Variants in PCDHGA1 observed in about 807,000 individuals in gnomAD.
The protein encoded by PCDHGA1 is protocadherin gamma subfamily A, 1.
A neutral mutation model predicts 58.0 loss-of-function variants in PCDHGA1; 32 were observed. The observed-to-expected ratio is 0.55, with a 90% CI of 0.42 to 0.74. PCDHGA1 has a LOEUF of 0.74. PCDHGA1 is among the 30% of genes least tolerant of loss of function. The pLI is 0.00. For synonymous variants in PCDHGA1, 498 were observed against 501.1 expected (o/e 0.99, Z 0.08); for missense variants, 1,205 against 1,182.3 (o/e 1.02, Z -0.28).
In PCDHGA1 at chr5:141,485,042, C is replaced by T; in HGVS notation, c.2422-9765C>T. ...CAGCAAAAACGGCGCGTAACCCTTGCGGCGCCGGCCGAACCGCGCCAGAGC... is the reference window on the plus strand; with the variant it reads ...CAGCAAAAACGGCGCGTAACCCTTGTGGCGCCGGCCGAACCGCGCCAGAGC... On this transcript the variant is annotated intron_variant, in intron 1 of 3. Coordinates refer to ENST00000517417, the MANE Select transcript of PCDHGA1 (RefSeq NM_018912.3). This position sits in a 1 kb window ranked among gnomAD's most constrained non-coding sequence, Gnocchi z 5.7. 1 of 724,054 alleles carries T rather than the reference C, an allele frequency of 1.4e-6. No individual in the cohort carries two copies. Among genetic ancestry groups the T allele is most frequent in the South Asian group, 1.8e-5 (1 of 56,650 alleles). 44.9% of individuals were successfully genotyped at this position (724,054 alleles called of 1,614,324 possible). A position where few individuals can be genotyped will look rare whatever the true frequency, so the allele number is the denominator to read the frequency against.
rs1207647899 is a variant in PCDHGA1, at chr5:141,491,938, C to T, written c.2422-2869C>T. The T allele has an allele frequency of 1.6e-5, 19 of 1,199,190 alleles. No homozygotes were observed. Among genetic ancestry groups the T allele is most frequent in the Non-Finnish European group, 2.1e-5 (18 of 875,372 alleles). 74.3% of individuals were successfully genotyped at this position (1,199,190 alleles called of 1,614,324 possible). ...TGTGGGCGAGGGGAGGTGGGACCGA[C>T]CCCCACCCCTACACTCAAAAAAGGC... is the stretch of plus-strand genomic sequence containing the variant. On this transcript the variant is annotated intron_variant, in intron 1 of 3. Coordinates refer to ENST00000517417, the MANE Select transcript of PCDHGA1 (RefSeq NM_018912.3). This position sits in a 1 kb window ranked among gnomAD's most constrained non-coding sequence, Gnocchi z 6.9.
chr5:141,476,562 C>A lies in PCDHGA1; in HGVS notation c.2422-18245C>A. On this transcript the variant is annotated intron_variant, in intron 1 of 3. Transcript: ENST00000517417. This position sits in a 1 kb window ranked among gnomAD's most constrained non-coding sequence, Gnocchi z 7.6. ...AAATTGGAGATTAGCGAGGCCGTGG[C>A]TCCGGGGACGCGCTTTCCGCTCGAG... 1 of 1,614,218 alleles carries A rather than the reference C, an allele frequency of 6.2e-7. No homozygotes were observed. The highest frequency in any genetic ancestry group is 8.5e-7 in the Non-Finnish European group (1 of 1,180,034).
At chr5:141,371,362 A>T in intron 1 of PCDHGA1, 3 of 1,614,014 alleles carry the variant, frequency 1.9e-6, no homozygotes, top group Non-Finnish European at 2.5e-6. Flanking sequence ...GAAGCAAAGG[A>T]TGGTGGACAT....
intron 1 of PCDHGA1, chr5:141,371,473 C>T: frequency 6.2e-7 from 1 of 1,613,958 alleles, no homozygotes; most frequent in Admixed American, 1.7e-5. Flanking sequence ...CAAGAAGATG[C>T]TGAGCTGGGG....
chr5:141,352,591 G>A, intron 1 of PCDHGA1: 2 of 1,613,590 alleles, frequency 1.2e-6, no homozygotes, highest in Non-Finnish European at 1.7e-6. Context: ...AGGATCTGCT[G>A]TGTGATGATC....
chr5:141,476,157 G>A lies in PCDHGA1; in HGVS notation c.2422-18650G>A. On this transcript the variant is annotated intron_variant, in intron 1 of 3. Transcript: ENST00000517417. The surrounding 1 kb of genome is among the most constrained non-coding windows in gnomAD (Gnocchi z 7.6). ...TGGAGGAGCGGACTGGTAAGCACCG[G>A]GAGGGTAGTGGGAGTTTTGCTTCTG... 1 of 1,612,752 alleles carries A rather than the reference G, an allele frequency of 6.2e-7. No homozygotes were observed. Among genetic ancestry groups the A allele is most frequent in the Non-Finnish European group, 8.5e-7 (1 of 1,179,898 alleles).
chr5:141,439,066 G>A (rs1004595196), intron 1 of PCDHGA1, among the ~76,000 whole-genome samples: 2 of 151,258 alleles, frequency 1.3e-5, no homozygotes, highest in African/African-American at 2.4e-5. Context: ...TGTGGCAGGC[G>A]CCTGTAATCC....
chr5:141,352,839 T>A (rs932260905), intron 1 of PCDHGA1: 4 of 717,548 alleles, frequency 5.6e-6, no homozygotes, highest in Non-Finnish European at 9.0e-6. Context: ...ATTACAAAAA[T>A]TAGTTGGGTG....
rs372168887 is a variant in PCDHGA1, at chr5:141,477,322, C to T, written c.2422-17485C>T. On this transcript the variant is annotated intron_variant, in intron 1 of 3. Transcript: ENST00000517417. The surrounding 1 kb of genome is among the most constrained non-coding windows in gnomAD (Gnocchi z 4.9). The stretch of plus-strand genomic sequence containing the variant: ...GTCTCCCTTTCAGCCTTACTTCTTC[C>T]CTCAAGAATTACTTCACTTTGAAAA... 17 of 1,614,050 alleles carry T rather than the reference C, an allele frequency of 1.1e-5. No homozygotes were observed. In the African/African-American group the frequency reaches 1.5e-4, roughly 14 times the overall value.
intron 1 of PCDHGA1, chr5:141,351,803 G>A: frequency 6.2e-7 from 1 of 1,613,322 alleles, no homozygotes; most frequent in Non-Finnish European, 8.5e-7. Context: ...CGCGCAGCGC[G>A]CCTTCGACCA....
intron 1 of PCDHGA1, chr5:141,404,970 C>G: frequency 6.2e-7 from 1 of 1,614,058 alleles, no homozygotes; most frequent in East Asian, 2.2e-5. Context: ...GACATCCTGG[C>G]TGACCTGGGC....
intron 1 of PCDHGA1, among the ~76,000 whole-genome samples, chr5:141,461,536 T>C (rs1424913303): frequency 1.3e-5 from 2 of 152,240 alleles, no homozygotes; most frequent in Non-Finnish European, 2.9e-5. Context: ...TTCTGGATAC[T>C]AGTCCTTTGT....
chr5:141,409,941 G>T, intron 1 of PCDHGA1: 1 of 1,613,226 alleles, frequency 6.2e-7, no homozygotes, highest in South Asian at 1.1e-5. Flanking sequence ...ATGGTACCTC[G>T]CTCTGCAGAG....
At chr5:141,371,214 A>G in intron 1 of PCDHGA1, 1 of 1,614,052 alleles carries the variant, frequency 6.2e-7, no homozygotes, top group Non-Finnish European at 8.5e-7. Context: ...TGAGGGCATC[A>G]ATGCCGAAAT....
At chr5:141,420,101 T>C (rs1160215468) in intron 1 of PCDHGA1, 1 of 1,613,928 alleles carries the variant, frequency 6.2e-7, no homozygotes, top group Non-Finnish European at 8.5e-7. Flanking sequence ...TGAGGGAACG[T>C]TGCCCTATGC....
chr5:141,487,824 C>A lies in PCDHGA1; in HGVS notation c.2422-6983C>A. The stretch of plus-strand genomic sequence containing the variant: ...TCACAGTTTAGCATTGGGGGCGGGT[C>A]ATGCCTATATCTGAGTAAGAAATGA... On this transcript the variant is annotated intron_variant, in intron 1 of 3. Coordinates refer to ENST00000517417, the MANE Select transcript of PCDHGA1 (RefSeq NM_018912.3). This position sits in a 1 kb window ranked among gnomAD's most constrained non-coding sequence, Gnocchi z 5.0. 2 of 1,247,252 alleles carry A rather than the reference C, an allele frequency of 1.6e-6. No individual in the cohort carries two copies. The highest frequency in any genetic ancestry group is 2.9e-5 in the South Asian group (2 of 68,154). The allele number at this position is 1,247,252 out of a possible 1,614,324, so 77.3% of individuals were successfully genotyped here. A position where few individuals can be genotyped will look rare whatever the true frequency, so the allele number is the denominator to read the frequency against.
At chr5:141,362,939 AG>A (rs1156531907) in intron 1 of PCDHGA1, among the ~76,000 whole-genome samples, 1 of 152,198 alleles carries the variant, frequency 6.6e-6, no homozygotes, top group Non-Finnish European at 1.5e-5. Flanking sequence ...TCTTCATTTT[AG>A]TAGGCTTTGG....
intron 1 of PCDHGA1, among the ~76,000 whole-genome samples, chr5:141,462,483 G>T (rs1402125086): frequency 2.0e-5 from 3 of 151,986 alleles, no homozygotes; most frequent in African/African-American, 7.3e-5. Context: ...TCTCGTGGTT[G>T]TTGTATCCTA....
chr5:141,370,789 C>A (rs796186624), intron 1 of PCDHGA1: 4 of 1,613,906 alleles, frequency 2.5e-6, no homozygotes, highest in Non-Finnish European at 3.4e-6. Context: ...AACCCACCGA[C>A]CTTTAGCCAA....
Sources: gnomAD v4.1 joint callset for allele counts (sites outside exome capture counted in the v4.1 genomes callset) on GRCh38, gnomAD v4.1.1 for gene constraint, Gnocchi (gnomAD v3.1) non-coding constraint, MANE v1.5 for transcripts, NCBI Gene and HGNC (gene_info 2026-07-23, HGNC 2026-07-21) for gene names.